DIAPH2: variants seen among roughly 807,000 people sequenced by gnomAD.
DIAPH2 encodes protein diaphanous homolog 2.
In DIAPH2, 35 loss-of-function variants were observed where a neutral mutation model predicts 92.7. That is an observed-to-expected ratio of 0.38 (90% CI 0.29 to 0.50). The LOEUF (loss-of-function observed/expected upper bound fraction) is 0.50. Ranked by LOEUF, DIAPH2 falls within the 20% of genes least tolerant of loss-of-function variation. The pLI, the probability that DIAPH2 is intolerant of heterozygous loss-of-function variation, is 0.94. For synonymous variants in DIAPH2, 301 were observed against 280.4 expected, an observed-to-expected ratio of 1.07 and a Z score of -0.73; for missense variants, 701 against 819.5, an observed-to-expected ratio of 0.86 and a Z score of 1.77.
intron 25 of DIAPH2, among the ~76,000 whole-genome samples, chrX:97,398,210 CATTATGTTGT>C (rs931510999): frequency 2.7e-5 from 3 of 111,973 alleles, no homozygotes; most frequent in African/African-American, 9.7e-5. Context: ...CACCAGAATC[CATTATGTTGT>C]TAGGTCTTGT....
intron 4 of DIAPH2, among the ~76,000 whole-genome samples, chrX:96,803,376 T>G (rs1460509671): frequency 8.9e-6 from 1 of 111,987 alleles, no homozygotes; most frequent in African/African-American, 3.2e-5. Flanking sequence ...AATTTATGTT[T>G]GCCTGCTCAG....
chrX:97,145,546 A>T (rs1213774426), intron 22 of DIAPH2, among the ~76,000 whole-genome samples: 1 of 107,345 alleles, frequency 9.3e-6, no homozygotes, highest in African/African-American at 3.4e-5. Flanking sequence ...TTTGTATATC[A>T]CCAACTTCCT....
chrX:97,414,670 A>T (rs1316073841), intron 25 of DIAPH2, among the ~76,000 whole-genome samples: 1 of 108,740 alleles, frequency 9.2e-6, no homozygotes, highest in Non-Finnish European at 1.9e-5. Context: ...AAAAAAAAAA[A>T]AGCTGAAACT....
rs2071607088 is a variant in DIAPH2, at chrX:97,603,701, A to G, written c.*4384A>G. The G allele has an allele frequency of 8.9e-6, 1 of 112,662 alleles. No homozygotes were observed. The allele number at this position is 112,662 out of a possible 1,213,427, so 9.3% of individuals were successfully genotyped here. A position where few individuals can be genotyped will look rare whatever the true frequency, so the allele number is the denominator to read the frequency against. On this transcript the variant is annotated 3_prime_UTR_variant, in exon 27 of 27. Coordinates refer to ENST00000324765, the MANE Select transcript of DIAPH2 (RefSeq NM_006729.5). ...TTTATTCAACTTTTCACACTACTGTAGTAGACAATTTAGATAGATAAACTT... is the reference window on the plus strand; with the variant it reads ...TTTATTCAACTTTTCACACTACTGTGGTAGACAATTTAGATAGATAAACTT...
chrX:96,798,070 A>G (rs2147645679), intron 4 of DIAPH2, among the ~76,000 whole-genome samples: 1 of 112,300 alleles, frequency 8.9e-6, no homozygotes, highest in African/African-American at 3.2e-5. Context: ...AGTTGGTTGA[A>G]TCTGTGGCTG....
chrX:97,541,595 A>G (rs1448404527), intron 26 of DIAPH2, among the ~76,000 whole-genome samples: 1 of 112,273 alleles, frequency 8.9e-6, no homozygotes, highest in African/African-American at 3.2e-5. Flanking sequence ...TTTCTGCCAT[A>G]TTCCAAGGAA....
intron 12 of DIAPH2, among the ~76,000 whole-genome samples, chrX:96,940,206 C>T (rs923232733): frequency 9.0e-5 from 10 of 111,544 alleles, no homozygotes; most frequent in African/African-American, 3.3e-4. Context: ...TGTTATTTCT[C>T]TTTTTACAGT....
intron 4 of DIAPH2, among the ~76,000 whole-genome samples, chrX:96,810,536 G>C (rs958251157): frequency 3.0e-4 from 34 of 111,655 alleles, no homozygotes; most frequent in Admixed American, 9.5e-4. Context: ...GATCCCATTT[G>C]TCAATTTTGG....
At chrX:96,830,570 CAAA>C (rs776270215) in intron 4 of DIAPH2, among the ~76,000 whole-genome samples, 1 of 13,441 alleles carries the variant, frequency 7.4e-5, no homozygotes, top group Non-Finnish European at 1.1e-4. Context: ...GACTCAGTCT[CAAA>C]AAAAAAAAAA....
intron 26 of DIAPH2, chrX:97,431,864 C>T (rs1376147042): frequency 1.8e-5 from 2 of 112,006 alleles, no homozygotes; most frequent in South Asian, 7.4e-4. Context: ...GAAGCAGAAC[C>T]GGGGACTTTT....
intron 5 of DIAPH2, among the ~76,000 whole-genome samples, chrX:96,910,548 T>A (rs1449829292): frequency 9.0e-6 from 1 of 111,662 alleles, no homozygotes; most frequent in Non-Finnish European, 1.9e-5. Flanking sequence ...ATGGTTTAAA[T>A]ATAGACAGCA....
At chrX:97,344,223 T>G (rs1175778585) in intron 23 of DIAPH2, among the ~76,000 whole-genome samples, 6 of 111,253 alleles carry the variant, frequency 5.4e-5, no homozygotes, top group African/African-American at 3.3e-5. Context: ...GTATCTTGTA[T>G]TTAGTGGCTT....
At chrX:97,515,095 G>C (rs891642045) in intron 26 of DIAPH2, among the ~76,000 whole-genome samples, 4 of 111,917 alleles carry the variant, frequency 3.6e-5, no homozygotes, top group Admixed American at 9.4e-5. Flanking sequence ...AATGGTGGGC[G>C]CCCCTCCCCC....
At chrX:96,942,185 G>T (rs1331134902) in intron 13 of DIAPH2, 49 bp downstream of exon 13, 2 of 743,297 alleles carry the variant, frequency 2.7e-6, no homozygotes, top group Non-Finnish European at 4.2e-6. Context: ...TGTGCCTTCT[G>T]TATTATAAGC....
intron 26 of DIAPH2, among the ~76,000 whole-genome samples, chrX:97,491,420 A>T (rs768493718): frequency 5.5e-4 from 60 of 109,959 alleles, no homozygotes; most frequent in Non-Finnish European, 9.9e-4. Flanking sequence ...TATTTATTTT[A>T]TTTTTTTTGA....
chrX:97,357,466 TC>T (rs773792454), intron 24 of DIAPH2, among the ~76,000 whole-genome samples: 5 of 104,637 alleles, frequency 4.8e-5, no homozygotes, highest in Admixed American at 1.0e-4. Flanking sequence ...CCTCTTCTTC[TC>T]CCCCCTCCTT....
chrX:96,704,781 T>C (rs1315899604), intron 1 of DIAPH2, among the ~76,000 whole-genome samples: 4 of 110,976 alleles, frequency 3.6e-5, no homozygotes, highest in Non-Finnish European at 5.6e-5. Context: ...GAATTTACAA[T>C]ATTATAAGGA....
intron 4 of DIAPH2, among the ~76,000 whole-genome samples, chrX:96,873,449 C>G (rs1177625668): frequency 9.1e-6 from 1 of 109,539 alleles, no homozygotes; most frequent in African/African-American, 3.3e-5. Context: ...GTAAATGATA[C>G]TTTTGAAAAA....
intron 24 of DIAPH2, among the ~76,000 whole-genome samples, chrX:97,376,458 T>A (rs2069501384): frequency 8.9e-6 from 1 of 112,069 alleles, no homozygotes; most frequent in African/African-American, 3.2e-5. Context: ...TCAAAAAGAA[T>A]TCTTCTTTCT....
Sources: gnomAD v4.1 joint callset for allele counts (sites outside exome capture counted in the v4.1 genomes callset) on GRCh38, gnomAD v4.1.1 for gene constraint, MANE v1.5 for transcripts, NCBI Gene and HGNC (gene_info 2026-07-23, HGNC 2026-07-21) for gene names.